The following ANKS1B variants were observed in gnomAD, a reference collection of about 807,000 sequenced individuals.
The protein encoded by ANKS1B is ankyrin repeat and sterile alpha motif domain-containing protein 1B.
In ANKS1B, 36 loss-of-function variants were observed where a neutral mutation model predicts 148.3. The ratio of observed to expected loss-of-function variants is 0.24; its 90% CI spans 0.19 to 0.32. The LOEUF (loss-of-function observed/expected upper bound fraction) is 0.32. Among genes scored for constraint, ANKS1B ranks in the 10% least tolerant of loss-of-function variants. ANKS1B has a pLI of 1.00. For synonymous variants in ANKS1B, 542 were observed against 560.8 expected, an observed-to-expected ratio of 0.97 and a Z score of 0.47; for missense variants, 1,157 against 1,542.6, an observed-to-expected ratio of 0.75 and a Z score of 4.19.
At chr12:99,648,070 T>C in intron 9 of ANKS1B, 4 of 1,482,988 alleles carry the variant, frequency 2.7e-6, no homozygotes, top group South Asian at 1.4e-5. Flanking sequence ...AGAACACGAC[T>C]GCTGGCCCAC....
intron 1 of ANKS1B, among the ~76,000 whole-genome samples, chr12:99,843,834 T>C (rs2086170857): frequency 6.6e-6 from 1 of 152,162 alleles, no homozygotes; most frequent in Non-Finnish European, 1.5e-5. Flanking sequence ...ATCGCCACAC[T>C]GTCTTCCACA....
chr12:99,506,733 G>A (rs989620114), intron 9 of ANKS1B, among the ~76,000 whole-genome samples: 1 of 151,824 alleles, frequency 6.6e-6, no homozygotes, highest in African/African-American at 2.4e-5. Context: ...GGCAAATTTG[G>A]CTCAATACAA....
chr12:98,916,755 CTTAGT>C (rs762310198), intron 17 of ANKS1B, among the ~76,000 whole-genome samples: 6 of 152,090 alleles, frequency 3.9e-5, no homozygotes, highest in Non-Finnish European at 7.3e-5. Flanking sequence ...CTCTCTGACC[CTTAGT>C]TTAGTTTCTT....
At chr12:99,333,914 C>T (rs944318358) in intron 12 of ANKS1B, among the ~76,000 whole-genome samples, 1 of 137,808 alleles carries the variant, frequency 7.3e-6, no homozygotes, top group Admixed American at 7.6e-5. Flanking sequence ...ACATGTTGAT[C>T]GCATTTCATA....
At chr12:99,919,456 G>A (rs1041479891) in intron 1 of ANKS1B, among the ~76,000 whole-genome samples, 5 of 152,062 alleles carry the variant, frequency 3.3e-5, no homozygotes, top group Non-Finnish European at 7.4e-5. Context: ...AATAAATAAT[G>A]TAGAAAATCC....
intron 17 of ANKS1B, among the ~76,000 whole-genome samples, chr12:98,999,415 T>C (rs2099931629): frequency 6.6e-6 from 1 of 152,176 alleles, no homozygotes; most frequent in African/African-American, 2.4e-5. Flanking sequence ...CTGTTTCCCA[T>C]TGCTGAACCA....
chr12:99,615,208 TACAC>T (rs2097944064), intron 9 of ANKS1B, among the ~76,000 whole-genome samples: 1 of 150,810 alleles, frequency 6.6e-6, no homozygotes, highest in Admixed American at 6.6e-5. Context: ...GACAGACAGA[TACAC>T]ACACATAAAC....
chr12:99,809,224 A>G (rs1421719273), intron 3 of ANKS1B, among the ~76,000 whole-genome samples: 1 of 152,106 alleles, frequency 6.6e-6, no homozygotes, highest in African/African-American at 2.4e-5. Flanking sequence ...CAGATAATGG[A>G]TGATAGAACA....
In ANKS1B at chr12:99,527,883, C is replaced by CA. The variant is rs56298024; in HGVS notation, c.1273-23243dup. On this transcript the variant is annotated intron_variant, in intron 9 of 26. Coordinates refer to ENST00000683438, the MANE Select transcript of ANKS1B (RefSeq NM_001352186.2). ...AACTATTTTAAAATTCATATGGGAC[C>CA]AAAAAAAAAAAAATGGCCCAAATAG... Among the ~76,000 whole-genome samples the CA allele has an allele frequency of 6.1e-3, 857 of 139,410 alleles. 5 individuals are homozygous for CA. Among genetic ancestry groups the CA allele is most frequent in the African/African-American group, 0.018 (691 of 37,952 alleles). The allele number at this position is 139,410 out of a possible 152,430, so 91.5% of individuals were successfully genotyped here.
chr12:99,574,960 A>G (rs1227364213), intron 9 of ANKS1B, among the ~76,000 whole-genome samples: 1 of 152,166 alleles, frequency 6.6e-6, no homozygotes, highest in East Asian at 1.9e-4. Flanking sequence ...TATACACATC[A>G]GAAAGAAAGC....
rs144270355 is a variant in ANKS1B at position 99,937,202 on chromosome 12, T to C, written c.134+46902A>G. Among the ~76,000 whole-genome samples the C allele has an allele frequency of 2.0e-5, 3 of 152,278 alleles. No homozygotes were observed. In the East Asian group the frequency reaches 5.8e-4, roughly 29 times the overall value. ...TCTGAGTGTTGATGGTGTATTCTTG[T>C]GTCACCACCTCATTGACAGCAGGAG... On this transcript the variant is annotated intron_variant, in intron 1 of 26. Coordinates refer to ENST00000683438, the MANE Select transcript of ANKS1B (RefSeq NM_001352186.2).
At chr12:98,869,766 C>T (rs2099643969) in intron 17 of ANKS1B, among the ~76,000 whole-genome samples, 1 of 151,740 alleles carries the variant, frequency 6.6e-6, no homozygotes, top group Non-Finnish European at 1.5e-5. Flanking sequence ...GCCATGTAGA[C>T]AAGGTATTTC....
intron 17 of ANKS1B, among the ~76,000 whole-genome samples, chr12:99,006,619 C>T (rs142582560): frequency 6.6e-6 from 1 of 152,270 alleles, no homozygotes; most frequent in Non-Finnish European, 1.5e-5. Flanking sequence ...GCAAATCCTG[C>T]TATGTGTGGG....
At chr12:99,480,093 C>G (rs1310983376) in intron 10 of ANKS1B, among the ~76,000 whole-genome samples, 1 of 151,334 alleles carries the variant, frequency 6.6e-6, no homozygotes, top group Non-Finnish European at 1.5e-5. Context: ...ATAGAGTATA[C>G]CCTATAAGAG....
At chr12:99,233,220 C>A (rs2087195068) in intron 14 of ANKS1B, among the ~76,000 whole-genome samples, 1 of 151,940 alleles carries the variant, frequency 6.6e-6, no homozygotes, top group South Asian at 2.1e-4. Context: ...AAATCTGAAA[C>A]ACTTCCGGTC....
intron 23 of ANKS1B, 29 bp downstream of exon 23, chr12:98,782,096 TA>T: frequency 6.3e-7 from 1 of 1,582,334 alleles, no homozygotes; most frequent in Non-Finnish European, 8.6e-7. Context: ...ATACTAGTAA[TA>T]ATCACACTAA....
At chr12:99,322,889 G>A (rs2085569997) in intron 12 of ANKS1B, among the ~76,000 whole-genome samples, 1 of 152,136 alleles carries the variant, frequency 6.6e-6, no homozygotes, top group Non-Finnish European at 1.5e-5. Flanking sequence ...GTTTTATAAG[G>A]GGTTTCCCTT....
intron 17 of ANKS1B, among the ~76,000 whole-genome samples, chr12:98,870,142 C>T (rs2099647406): frequency 6.6e-6 from 1 of 152,162 alleles, no homozygotes; most frequent in Admixed American, 6.5e-5. Context: ...TTGAAAGATT[C>T]AATGTGAATT....
chr12:99,837,351 T>C (rs2085017608), intron 1 of ANKS1B, among the ~76,000 whole-genome samples: 1 of 152,144 alleles, frequency 6.6e-6, no homozygotes, highest in Non-Finnish European at 1.5e-5. Flanking sequence ...CCACTACATT[T>C]GTGGTAACTT....
Sources: allele counts gnomAD v4.1 joint callset (sites outside exome capture counted in the v4.1 genomes callset), GRCh38; gene constraint gnomAD v4.1.1; transcripts MANE v1.5; gene names NCBI Gene and HGNC (gene_info 2026-07-23, HGNC 2026-07-21).